Variants in TMEM175 observed in about 807,000 individuals in gnomAD.
TMEM175 encodes endosomal/lysosomal proton channel TMEM175.
In TMEM175, 36 loss-of-function variants were observed where a neutral mutation model predicts 36.5. The observed-to-expected ratio is 0.99, with a 90% CI of 0.76 to 1.30. The LOEUF (loss-of-function observed/expected upper bound fraction) is 1.30, where lower values mean the gene tolerates loss of function less well. TMEM175 is among the 50% of genes most tolerant of loss of function. The pLI is 0.00. For synonymous variants in TMEM175, 339 were observed against 313.4 expected, an observed-to-expected ratio of 1.08 and a Z score of -0.86; for missense variants, 705 against 692.8, an observed-to-expected ratio of 1.02 and a Z score of -0.20.
chr4:956,700 TC>T (rs2153005534), intron 10 of TMEM175: 1 of 344,142 alleles, frequency 2.9e-6, no homozygotes, highest in African/African-American at 2.2e-5. Context: ...CACCTCGGCC[TC>T]CCAAAGTGCT....
intron 10 of TMEM175, chr4:956,804 C>T (rs904802811): frequency 2.0e-5 from 6 of 295,990 alleles, no homozygotes; most frequent in African/African-American, 9.1e-5. Flanking sequence ...CTTGTTCCCT[C>T]GTCATAGTTC....
intron 4 of TMEM175, 97 bp from the exon 5 acceptor site, chr4:951,110 A>T: frequency 8.5e-7 from 1 of 1,181,368 alleles, no homozygotes; most frequent in Non-Finnish European, 1.3e-6. Flanking sequence ...GACATCTTTT[A>T]ATGATGTTTT....
chr4:951,635 C>T, intron 5 of TMEM175, 47 bp from the exon 6 acceptor site: 1 of 1,613,664 alleles, frequency 6.2e-7, no homozygotes, highest in Non-Finnish European at 8.5e-7. Flanking sequence ...TTCCCCTGCC[C>T]TTCTCCCCAG....
chr4:958,235 C>T lies in TMEM175; in HGVS notation c.1254C>T (p.Leu418=). 6.2e-7 allele frequency: 1 copy of T among 1,604,208 alleles called. No individual in the cohort carries two copies. The highest frequency in any genetic ancestry group is 8.5e-7 in the Non-Finnish European group (1 of 1,177,634). ...SVWFGGREHV[L]MFAKLALYPC... is the part of the protein sequence containing the mutation. Reference sequence around the variant, plus strand: ...GGTTTGGCGGCCGGGAGCATGTGCTCATGTTCGCCAAGCTGGCGCTGTACC... The same window carrying T: ...GGTTTGGCGGCCGGGAGCATGTGCTTATGTTCGCCAAGCTGGCGCTGTACC... The change falls in exon 11 of 11, where the codon CTC becomes CTT. Residue 418 remains leucine, a synonymous_variant. Coordinates refer to ENST00000264771, the MANE Select transcript of TMEM175 (RefSeq NM_032326.4).
intron 1 of TMEM175, among the ~76,000 whole-genome samples, chr4:941,703 T>A (rs1482458084): frequency 6.6e-6 from 1 of 152,006 alleles, no homozygotes; most frequent in East Asian, 2.0e-4. Context: ...CCCAAAGTAC[T>A]GGGATTACAG....
intron 1 of TMEM175, among the ~76,000 whole-genome samples, chr4:938,211 AAG>A (rs1221223717): frequency 6.6e-6 from 1 of 152,204 alleles, no homozygotes; most frequent in African/African-American, 2.4e-5. Flanking sequence ...AGGCAAGAAA[AAG>A]AGGGCTGGGG....
chr4:956,425 GT>G, intron 10 of TMEM175: 2 of 1,278,960 alleles, frequency 1.6e-6, no homozygotes, highest in South Asian at 2.5e-5. Context: ...CAGTCGTCAC[GT>G]TTTTGGTTTT....
In TMEM175 at chr4:938,015, A is replaced by G. The variant is rs558718643; in HGVS notation, c.-32+5475A>G. 2.0e-5 allele frequency among the ~76,000 whole-genome samples: 3 copies of G among 152,282 alleles called. No individual in the cohort carries two copies. In the South Asian group the frequency reaches 6.2e-4, roughly 32 times the overall value. ...TGATTTAAAAAAAAAAAAACTCAGCAAACTAGGAATAAAATGAAACTTCCT... is the reference window on the plus strand; with the variant it reads ...TGATTTAAAAAAAAAAAAACTCAGCGAACTAGGAATAAAATGAAACTTCCT... On this transcript the variant is annotated intron_variant, in intron 1 of 10. Coordinates refer to ENST00000264771, the MANE Select transcript of TMEM175 (RefSeq NM_032326.4).
chr4:957,963 C>G lies in TMEM175; in HGVS notation c.982C>G (p.His328Asp). The G allele has an allele frequency of 6.2e-7, 1 of 1,612,904 alleles. No individual in the cohort carries two copies. The highest frequency in any genetic ancestry group is 8.5e-7 in the Non-Finnish European group (1 of 1,179,958). The change falls in exon 11 of 11, where the codon CAC becomes GAC. Residue 328 changes from histidine (H) to aspartate (D), a missense_variant. Physicochemically the swap from His to Asp is moderately conservative, Grantham distance 81. Coordinates refer to ENST00000264771, the MANE Select transcript of TMEM175 (RefSeq NM_032326.4). ...ATVGLLWFAH[H>D]SLFLHVRKAT... ...AGTGGGACTGCTGTGGTTCGCCCAC[C>G]ACTCACTCTTCCTGCATGTGCGCAA...
intron 2 of TMEM175, 53 bp downstream of exon 2, chr4:947,945 C>G (rs745877638): frequency 9.9e-6 from 16 of 1,613,228 alleles, no homozygotes; most frequent in Non-Finnish European, 9.3e-6. Flanking sequence ...TCTCGAGGCA[C>G]TGCCCAGCCC....
At position 958,450 on chromosome 4, in the gene TMEM175, C is replaced by T. The variant is rs577438263; in HGVS notation, c.1469C>T (p.Thr490Met). ...ARPEHPPPAPTGQDDPQSQLL... is the reference protein window; with the variant it reads ...ARPEHPPPAPMGQDDPQSQLL... ...CCCGAACACCCCCCGCCAGCCCCCACGGGCCAGGACGACCCACAGTCCCAG... is the reference window on the plus strand; with the variant it reads ...CCCGAACACCCCCCGCCAGCCCCCATGGGCCAGGACGACCCACAGTCCCAG... The change falls in exon 11 of 11, where the codon ACG becomes ATG. Residue 490 changes from threonine (T) to methionine (M), a missense_variant. By Grantham distance (81) the Thr-to-Met change is moderately conservative (BLOSUM62 -1). Transcript: ENST00000264771. 25 of 1,580,712 alleles carry T rather than the reference C, an allele frequency of 1.6e-5. No individual in the cohort carries two copies. The highest frequency in any genetic ancestry group is 1.1e-4 in the Admixed American group (6 of 57,024).
chr4:953,948 A>C (rs1729288472), intron 8 of TMEM175, among the ~76,000 whole-genome samples: 1 of 151,848 alleles, frequency 6.6e-6, no homozygotes, highest in Non-Finnish European at 1.5e-5. Context: ...AGCCTCCCAA[A>C]GTGCTGGATT....
In TMEM175 at chr4:955,412, T is replaced by C; in HGVS notation, c.635T>C (p.Leu212Pro). The stretch of plus-strand genomic sequence containing the variant: ...CGGTTTGTCTCCCTGCAGTCTTACC[T>C]GCTGATGGTGACTGTCATCCTCCTC... ...FSLFFVPLSY[L>P]LMVTVILLPY... Residue 212 changes from leucine (L) to proline (P), a missense_variant, in exon 9 of 11, where the codon CTG becomes CCG. Coordinates refer to ENST00000264771, the MANE Select transcript of TMEM175 (RefSeq NM_032326.4). 2 of 1,614,090 alleles carry C rather than the reference T, an allele frequency of 1.2e-6. No homozygotes were observed. The highest frequency in any genetic ancestry group is 2.7e-5 in the African/African-American group (2 of 75,068).
At chr4:950,572 C>A in intron 4 of TMEM175, 54 bp downstream of exon 4, 1 of 1,344,598 alleles carries the variant, frequency 7.4e-7, no homozygotes, top group South Asian at 1.2e-5. Context: ...GTTCCCGTAC[C>A]CCGCACCACA....
intron 1 of TMEM175, among the ~76,000 whole-genome samples, chr4:941,808 T>A (rs1727544861): frequency 6.6e-6 from 1 of 151,936 alleles, no homozygotes. Flanking sequence ...GGTGGCTCAT[T>A]CCTATAATCC....
chr4:950,366 C>G (rs1406481259), intron 3 of TMEM175, 55 bp from the exon 4 acceptor site: 1 of 1,403,548 alleles, frequency 7.1e-7, no homozygotes, highest in South Asian at 1.2e-5. Context: ...TCTCGACTGC[C>G]ATTCAGGGAC....
chr4:955,665 C>A (rs1420181919), intron 9 of TMEM175, 90 bp from the exon 10 acceptor site: 2 of 1,545,588 alleles, frequency 1.3e-6, no homozygotes, highest in African/African-American at 2.7e-5. Flanking sequence ...ACATTCCAGG[C>A]CTCTTCATGG....
In TMEM175 at chr4:949,131, G is replaced by A. The variant is rs538047653; in HGVS notation, c.192+977G>A. On this transcript the variant is annotated intron_variant, in intron 3 of 10. Transcript: ENST00000264771. ...GGGGTGGGCTTGGCCAAATGCAGTC[G>A]TGAGGTACTGGCCTTGGCTGCCCCT... Among the ~76,000 whole-genome samples the A allele has an allele frequency of 2.2e-3, 338 of 152,252 alleles. 5 individuals are homozygous for A. Among genetic ancestry groups the A allele is most frequent in the Non-Finnish European group, 2.9e-3 (197 of 68,014 alleles).
chr4:948,313 CCAA>C, intron 3 of TMEM175, 159 bp downstream of exon 3: 2 of 1,547,860 alleles, frequency 1.3e-6, no homozygotes, highest in Non-Finnish European at 1.7e-6. Flanking sequence ...AGGGAGGGAG[CCAA>C]CAAGTCCTGC....
Sources: allele counts gnomAD v4.1 joint callset (sites outside exome capture counted in the v4.1 genomes callset), GRCh38; gene constraint gnomAD v4.1.1; transcripts MANE v1.5; gene names NCBI Gene and HGNC (gene_info 2026-07-23, HGNC 2026-07-21).